The following DYSF variants were observed in gnomAD, a reference collection of about 807,000 sequenced individuals.
DYSF encodes dystrophy-associated fer-1-like 1.
Under a neutral mutation model 274.9 loss-of-function variants are expected in DYSF, and 212 were observed. The ratio of observed to expected loss-of-function variants is 0.77; its 90% confidence interval spans 0.69 to 0.86. DYSF has a LOEUF of 0.86. Among genes scored for constraint, DYSF ranks in the 40% least tolerant of loss-of-function variants. DYSF has a pLI of 0.00. For synonymous variants in DYSF, 1,091 were observed against 1,078.7 expected, an observed-to-expected ratio of 1.01 and a Z score of -0.22; for missense variants, 2,666 against 2,783.2, an observed-to-expected ratio of 0.96 and a Z score of 0.95.
Position 71,686,436 on chromosome 2 carries a change from T to A in DYSF, c.6322-18T>A, listed in dbSNP as rs1336457429. ...CCAGTGGGATCACCATGGGTCCCTG[T>A]CTCCTCCCTCCCTCCAGAACTATGC... On this transcript the variant is annotated intron_variant, in intron 55 of 55. Coordinates refer to ENST00000410020, the MANE Select transcript of DYSF (RefSeq NM_001130987.2). 1 of 1,613,832 alleles carries A rather than the reference T, an allele frequency of 6.2e-7. No individual in the cohort carries two copies. Among genetic ancestry groups the A allele is most frequent in the Non-Finnish European group, 8.5e-7 (1 of 1,180,010 alleles).
rs912300172 is a variant in DYSF at position 71,516,173 on chromosome 2, C to G, written c.889-7C>G. 25 of 1,614,164 alleles carry G rather than the reference C, an allele frequency of 1.5e-5. No individual in the cohort carries two copies. The highest frequency in any genetic ancestry group is 1.9e-5 in the Non-Finnish European group (23 of 1,179,994). On this transcript the variant is annotated splice_polypyrimidine_tract_variant and splice_region_variant and intron_variant, in intron 8 of 55. Transcript: ENST00000410020. ...CTGATATGTCTCTCTTTGCTCTGAACCAACAGACTCTTTTCTTCAACTTGT... is the reference window on the plus strand; with the variant it reads ...CTGATATGTCTCTCTTTGCTCTGAAGCAACAGACTCTTTTCTTCAACTTGT...
chr2:71,569,949 CAG>C lies in DYSF; in HGVS notation c.2979+16_2979+17del, dbSNP rs761855675. 13 of 1,610,026 alleles carry C rather than the reference CAG, an allele frequency of 8.1e-6. No individual in the cohort carries two copies. The highest frequency in any genetic ancestry group is 1.7e-4 in the Middle Eastern group (1 of 6,056). On this transcript the variant is annotated intron_variant, in intron 27 of 55. Transcript: ENST00000410020. ...ACACCGATGTGGTAAAGCAGGCACTCAGGGGCAGGTGGGGTCTAGACATTTGG... is the reference window on the plus strand; with the variant it reads ...ACACCGATGTGGTAAAGCAGGCACTCGGGCAGGTGGGGTCTAGACATTTGG...
At chr2:71,487,014 C>G (rs2083422409) in intron 3 of DYSF, among the ~76,000 whole-genome samples, 3 of 152,192 alleles carry the variant, frequency 2.0e-5, no homozygotes, top group African/African-American at 4.8e-5. Flanking sequence ...CATGCCTGAG[C>G]CTTGGCTGAG....
At position 71,551,063 on chromosome 2, in the gene DYSF, C is replaced by G. The variant is rs765133641; in HGVS notation, c.1599C>G (p.Leu533=). 3 of 1,614,114 alleles carry G rather than the reference C, an allele frequency of 1.9e-6. No individual in the cohort carries two copies. The highest frequency in any genetic ancestry group is 1.7e-5 in the Admixed American group (1 of 60,018). ...EIEVDDYLGF[L]PTFGPCYINL... is the part of the protein sequence containing the mutation. Reference sequence around the variant, plus strand: ...CAGTGGATGACTACCTGGGCTTCCTCCCCACTTTTGGGCCCTGCTACATCA... The same window carrying G: ...CAGTGGATGACTACCTGGGCTTCCTGCCCACTTTTGGGCCCTGCTACATCA... The change falls in exon 18 of 56, where the codon CTC becomes CTG. Residue 533 remains leucine (L), a synonymous_variant. Transcript: ENST00000410020.
chr2:71,589,036 T>C (rs1013376726), intron 30 of DYSF, among the ~76,000 whole-genome samples: 2 of 152,172 alleles, frequency 1.3e-5, no homozygotes, highest in South Asian at 2.1e-4. Flanking sequence ...ACAGCTTGGC[T>C]TCCGAGCCTG....
intron 13 of DYSF, among the ~76,000 whole-genome samples, chr2:71,527,322 A>G (rs1481310349): frequency 1.3e-5 from 2 of 152,226 alleles, no homozygotes; most frequent in Non-Finnish European, 2.9e-5. Context: ...CAACTTTTCC[A>G]TAAAGGTAAC....
intron 4 of DYSF, 61 bp downstream of exon 4, chr2:71,503,380 T>A: frequency 6.4e-7 from 1 of 1,557,040 alleles, no homozygotes; most frequent in East Asian, 2.2e-5. Flanking sequence ...GGCTTCCTCT[T>A]TGGGCCTTGC....
In DYSF at chr2:71,669,684, T is replaced by TG; in HGVS notation, c.5724dup (p.Arg1909GlufsTer12). 1 of 1,614,194 alleles carries TG rather than the reference T, an allele frequency of 6.2e-7. No individual in the cohort carries two copies. Among genetic ancestry groups the TG allele is most frequent in the East Asian group, 2.2e-5 (1 of 44,886 alleles). ...CCTGGGAGGTGAAGGCAACTTCAAC[T>TG]GGAGGTTCATTTTCCCCTTCGACTA... On this transcript the variant is annotated frameshift_variant, in exon 51 of 56. Coordinates refer to ENST00000410020, the MANE Select transcript of DYSF (RefSeq NM_001130987.2). LOFTEE classifies it high-confidence loss of function.
intron 10 of DYSF, among the ~76,000 whole-genome samples, chr2:71,517,480 T>C (rs1231191551): frequency 1.3e-5 from 2 of 152,200 alleles, no homozygotes; most frequent in Non-Finnish European, 2.9e-5. Context: ...AATGGCTTAT[T>C]TAGTTTCTTA....
At chr2:71,538,996 G>T (rs968998162) in intron 16 of DYSF, among the ~76,000 whole-genome samples, 161 bp from the exon 17 acceptor site, 2 of 152,130 alleles carry the variant, frequency 1.3e-5, no homozygotes, top group Admixed American at 6.5e-5. Context: ...TCATCTCTGG[G>T]ATTACCAGGC....
chr2:71,614,025 G>A (rs1307208345), intron 40 of DYSF, among the ~76,000 whole-genome samples: 1 of 152,224 alleles, frequency 6.6e-6, no homozygotes, highest in Non-Finnish European at 1.5e-5. Flanking sequence ...GCAACTGAGG[G>A]CCAGCCTGTG....
At position 71,652,955 on chromosome 2, in the gene DYSF, G is replaced by A. The variant is rs140344483; in HGVS notation, c.4627-3207G>A. Among the ~76,000 whole-genome samples, 730 of 152,302 alleles carry A rather than the reference G, an allele frequency of 4.8e-3. 3 individuals carry two copies. Among genetic ancestry groups the A allele is most frequent in the African/African-American group, 0.015 (613 of 41,562 alleles). On this transcript the variant is annotated intron_variant, in intron 42 of 55. Coordinates refer to ENST00000410020, the MANE Select transcript of DYSF (RefSeq NM_001130987.2). ...AAAATAAATTAAATTCTTGCCTCAC[G>A]CTGGGTACCAAATTGAATTGAGTGT... is the stretch of plus-strand genomic sequence containing the variant.
intron 30 of DYSF, among the ~76,000 whole-genome samples, chr2:71,589,108 G>T (rs1194711902): frequency 6.6e-6 from 1 of 152,206 alleles, no homozygotes; most frequent in African/African-American, 2.4e-5. Context: ...ACCCTCAGCA[G>T]AGTGGGAACT....
At position 71,598,659 on chromosome 2, in the gene DYSF, T is replaced by C; in HGVS notation, c.3670T>C (p.Tyr1224His). Residue 1224 changes from tyrosine (Y) to histidine (H), a missense_variant, in exon 33 of 56, where the codon TAC (tyrosine) becomes CAC (histidine). Around this residue, in one of 3 missense-constraint regions of DYSF, gnomAD observed 1,460 missense variants for 1,502.1 expected, o/e 0.97. Coordinates refer to ENST00000410020, the MANE Select transcript of DYSF (RefSeq NM_001130987.2). ...NPTWDQTLIF[Y>H]EIEIFGEPAT... ...CACCTGGGACCAGACGCTCATCTTC[T>C]ACGAGATCGAGATCTTTGGCGAGCC... The C allele has an allele frequency of 6.2e-7, 1 of 1,614,164 alleles. No homozygotes were observed. The highest frequency in any genetic ancestry group is 8.5e-7 in the Non-Finnish European group (1 of 1,180,044).
At chr2:71,618,250 T>G (rs2093964775) in intron 40 of DYSF, among the ~76,000 whole-genome samples, 2 of 30,920 alleles carry the variant, frequency 6.5e-5, no homozygotes, top group Non-Finnish European at 6.1e-5. Flanking sequence ...GTGGTAGAGG[T>G]GGCGTGTGTG....
chr2:71,681,511 GA>G (rs1206859838), intron 54 of DYSF, among the ~76,000 whole-genome samples: 2 of 152,220 alleles, frequency 1.3e-5, no homozygotes, highest in Admixed American at 6.5e-5. Flanking sequence ...CACCTGGTCT[GA>G]TTGGCTCCAG....
intron 53 of DYSF, among the ~76,000 whole-genome samples, chr2:71,679,797 G>A (rs1007851858): frequency 1.8e-4 from 28 of 152,220 alleles, no homozygotes; most frequent in African/African-American, 6.5e-4. Flanking sequence ...ATAAAGAGTG[G>A]TAACAATAAG....
intron 38 of DYSF, 30 bp from the exon 39 acceptor site, chr2:71,612,611 A>G (rs749717014): frequency 6.2e-7 from 1 of 1,611,790 alleles, no homozygotes; most frequent in East Asian, 2.2e-5. Flanking sequence ...AGGGGGATTC[A>G]GGCCAGTGCG....
upstream of DYSF, among the ~76,000 whole-genome samples, chr2:71,463,040 G>T (rs1373298381): frequency 6.6e-6 from 1 of 152,202 alleles, no homozygotes; most frequent in African/African-American, 2.4e-5. Context: ...TTTCACTGAG[G>T]ACCCACCCCT....
Sources: allele counts gnomAD v4.1 joint callset (sites outside exome capture counted in the v4.1 genomes callset), GRCh38; gene constraint gnomAD v4.1.1; regional missense constraint gnomAD v4.1.1; transcripts MANE v1.5; gene names NCBI Gene and HGNC (gene_info 2026-07-23, HGNC 2026-07-21).